The following AGPAT5 variants were observed in gnomAD, a reference collection of about 807,000 sequenced individuals.
AGPAT5 encodes the protein 1-acylglycerol-3-phosphate O-acyltransferase 5, also known as 1-acyl-sn-glycerol-3-phosphate acyltransferase epsilon.
In AGPAT5, 46 loss-of-function variants were observed where a neutral mutation model predicts 45.6. That is an observed-to-expected ratio of 1.01 (90% CI 0.80 to 1.29). The LOEUF is 1.29. Ranked by LOEUF, AGPAT5 falls within the 50% of genes most tolerant of loss-of-function variation. The probability of loss-of-function intolerance (pLI) is 0.00; values close to 1 mark genes in which losing one functional copy is unlikely to be tolerated. For synonymous variants in AGPAT5, 272 were observed against 167.0 expected (o/e 1.63, Z -4.85); for missense variants, 673 against 450.7 (o/e 1.49, Z -4.47).
chr8:6,756,670 A>G (rs1200119159), intron 7 of AGPAT5, among the ~76,000 whole-genome samples: 1 of 150,914 alleles, frequency 6.6e-6, no homozygotes, highest in African/African-American at 2.4e-5. Flanking sequence ...AATACATGCC[A>G]TTTTATTCAT....
chr8:6,721,039 C>T (rs1800479324), intron 1 of AGPAT5, among the ~76,000 whole-genome samples: 1 of 152,194 alleles, frequency 6.6e-6, no homozygotes, highest in Admixed American at 6.5e-5. Flanking sequence ...AGAACTTTGT[C>T]ATCTGTTAGG....
chr8:6,730,932 G>C (rs1284264080), intron 3 of AGPAT5, 106 bp downstream of exon 3: 6 of 640,794 alleles, frequency 9.4e-6, no homozygotes, highest in Non-Finnish European at 1.5e-5. Flanking sequence ...GCAGTGGTGT[G>C]AACACAGCTC....
intron 1 of AGPAT5, among the ~76,000 whole-genome samples, chr8:6,722,177 C>G (rs1800524605): frequency 6.6e-6 from 1 of 152,246 alleles, no homozygotes; most frequent in Non-Finnish European, 1.5e-5. Flanking sequence ...TAATAAGGGA[C>G]AGGGAAACAC....
chr8:6,755,039 G>C lies in AGPAT5; in HGVS notation c.746-12G>C, dbSNP rs2116967056. On this transcript the variant is annotated splice_polypyrimidine_tract_variant and intron_variant, in intron 6 of 7. Coordinates refer to ENST00000285518, the MANE Select transcript of AGPAT5 (RefSeq NM_018361.5). ...ATAGTAAAAAAAAAGAATTATTTTT[G>C]TTCTTTGTTAGAATTTCTCTGCAAA... is the stretch of plus-strand genomic sequence containing the variant. The C allele has an allele frequency of 6.4e-7, 1 of 1,556,582 alleles. No homozygotes were observed. Among genetic ancestry groups the C allele is most frequent in the Non-Finnish European group, 8.7e-7 (1 of 1,154,334 alleles).
chr8:6,739,036 A>C (rs1183993420), intron 4 of AGPAT5, among the ~76,000 whole-genome samples: 4 of 152,052 alleles, frequency 2.6e-5, no homozygotes, highest in African/African-American at 9.7e-5. Flanking sequence ...AATATAGGTA[A>C]CCATCACTAT....
intron 6 of AGPAT5, among the ~76,000 whole-genome samples, chr8:6,749,254 A>T (rs1255786804): frequency 6.6e-6 from 1 of 152,228 alleles, no homozygotes; most frequent in Non-Finnish European, 1.5e-5. Context: ...CTACTGCAGA[A>T]AGTTAGGGAG....
At chr8:6,720,167 A>T (rs1800454993) in intron 1 of AGPAT5, among the ~76,000 whole-genome samples, 1 of 152,162 alleles carries the variant, frequency 6.6e-6, no homozygotes, top group African/African-American at 2.4e-5. Flanking sequence ...GATAGTGTCC[A>T]CCAGGATGAC....
At chr8:6,720,534 C>G (rs1001545814) in intron 1 of AGPAT5, among the ~76,000 whole-genome samples, 3 of 152,050 alleles carry the variant, frequency 2.0e-5, no homozygotes, top group Non-Finnish European at 4.4e-5. Context: ...TTAAATGACC[C>G]CAATATTGGC....
At chr8:6,709,017 G>T (rs745575559) in intron 1 of AGPAT5, 130 bp downstream of exon 1, 1 of 853,808 alleles carries the variant, frequency 1.2e-6, no homozygotes, top group Admixed American at 2.0e-5. Context: ...AGCACGTGCC[G>T]CCTCCCCGCC....
At chr8:6,733,790 G>A (rs1403256892) in intron 4 of AGPAT5, among the ~76,000 whole-genome samples, 1 of 152,176 alleles carries the variant, frequency 6.6e-6, no homozygotes, top group Non-Finnish European at 1.5e-5. Flanking sequence ...AGTCACCCCA[G>A]CAATGGATGA....
Position 6,730,821 on chromosome 8 carries a change from G to C in AGPAT5, c.400G>C (p.Ala134Pro). ...KWLPLYGCYF[A>P]QHGGIYVKRS... ...GCTGCCATTGTATGGGTGTTACTTT[G>C]CTCAGGTAACTTGTTTCCATGCTTT... The change falls in exon 3 of 8, where the codon GCT becomes CCT. Residue 134 changes from alanine to proline, a missense_variant. Ala to Pro is a conservative substitution (Grantham distance 27, BLOSUM62 -1). Transcript: ENST00000285518. 1.2e-6 allele frequency: 2 copies of C among 1,609,044 alleles called. No individual in the cohort carries two copies. The highest frequency in any genetic ancestry group is 1.1e-5 in the South Asian group (1 of 90,738).
At chr8:6,729,757 CT>C (rs1800802274) in intron 2 of AGPAT5, among the ~76,000 whole-genome samples, 1 of 152,186 alleles carries the variant, frequency 6.6e-6, no homozygotes, top group Non-Finnish European at 1.5e-5. Context: ...CTAACAACTT[CT>C]AGGAAGTTTT....
intron 4 of AGPAT5, among the ~76,000 whole-genome samples, chr8:6,737,613 T>C (rs1188233891): frequency 1.3e-5 from 2 of 152,258 alleles, no homozygotes; most frequent in Non-Finnish European, 2.9e-5. Flanking sequence ...GACTATGAGC[T>C]AGTAAAACTT....
At chr8:6,740,538 AT>A (rs1801214489) in intron 4 of AGPAT5, among the ~76,000 whole-genome samples, 1 of 149,512 alleles carries the variant, frequency 6.7e-6, no homozygotes, top group Non-Finnish European at 1.5e-5. Context: ...ATAAAGATAC[AT>A]ATAATATTAT....
At chr8:6,747,599 T>C in intron 5 of AGPAT5, 71 bp from the exon 6 acceptor site, 1 of 1,362,202 alleles carries the variant, frequency 7.3e-7, no homozygotes, top group South Asian at 1.4e-5. Flanking sequence ...TTAAAAATAA[T>C]TTAGATGTTA....
chr8:6,744,529 G>T (rs754282755), intron 5 of AGPAT5, among the ~76,000 whole-genome samples: 3 of 152,178 alleles, frequency 2.0e-5, no homozygotes, highest in Non-Finnish European at 2.9e-5. Flanking sequence ...GGGGGATCTT[G>T]TTCTCCTGTA....
intron 4 of AGPAT5, among the ~76,000 whole-genome samples, chr8:6,736,316 C>A (rs1412020296): frequency 6.6e-6 from 1 of 152,206 alleles, no homozygotes; most frequent in African/African-American, 2.4e-5. Context: ...TTCTAAAATA[C>A]AATCCAGAAT....
intron 5 of AGPAT5, among the ~76,000 whole-genome samples, chr8:6,744,926 T>C (rs1801381720): frequency 6.6e-6 from 1 of 152,226 alleles, no homozygotes; most frequent in Admixed American, 6.5e-5. Context: ...AGATCAATGC[T>C]GACTGCCTTC....
chr8:6,741,426 G>C (rs565148089), intron 4 of AGPAT5, among the ~76,000 whole-genome samples: 6 of 152,156 alleles, frequency 3.9e-5, no homozygotes, highest in South Asian at 2.1e-4. Context: ...ATTCTTCATG[G>C]CTGACCTACC....
Sources: allele counts gnomAD v4.1 joint callset (sites outside exome capture counted in the v4.1 genomes callset), GRCh38; gene constraint gnomAD v4.1.1; transcripts MANE v1.5; gene names NCBI Gene and HGNC (gene_info 2026-07-23, HGNC 2026-07-21).